The following DNAH8 variants were observed in gnomAD, a reference collection of about 807,000 sequenced individuals.
DNAH8 encodes dynein axonemal heavy chain 8, also known as axonemal beta dynein heavy chain 8.
In DNAH8, 382 loss-of-function variants were observed where a neutral mutation model predicts 562.1. That is an observed-to-expected ratio of 0.68 (90% CI 0.63 to 0.74). The LOEUF is 0.74. DNAH8 is among the 30% of genes least tolerant of loss of function. The pLI is 0.00. For missense variants in DNAH8, 5,203 were observed against 5,620.4 expected, an observed-to-expected ratio of 0.93 and a Z score of 2.37; for synonymous variants, 1,881 against 1,919.4, an observed-to-expected ratio of 0.98 and a Z score of 0.52.
At chr6:39,029,392 G>A (rs566430899) in intron 92 of DNAH8, among the ~76,000 whole-genome samples, 9 of 152,192 alleles carry the variant, frequency 5.9e-5, no homozygotes, top group East Asian at 5.8e-4. Context: ...AGAATTCACC[G>A]CCCTCACCCC....
At chr6:38,896,602 C>A (rs75351853) in intron 60 of DNAH8, among the ~76,000 whole-genome samples, 13,259 of 147,914 alleles carry the variant, frequency 0.09, 831 homozygotes, top group South Asian at 0.21. Context: ...AACAAACAAA[C>A]AAACAAAAAA....
chr6:38,797,962 C>G (rs1327471350), intron 21 of DNAH8, among the ~76,000 whole-genome samples: 2 of 151,976 alleles, frequency 1.3e-5, no homozygotes, highest in African/African-American at 4.8e-5. Context: ...AGCATTACAC[C>G]AGCTACTTGG....
In DNAH8 at chr6:38,926,230, G is replaced by A. The variant is rs754545702; in HGVS notation, c.11118+20G>A. On this transcript the variant is annotated intron_variant, in intron 74 of 92. Coordinates refer to ENST00000327475, the MANE Select transcript of DNAH8 (RefSeq NM_001206927.2). ...TTACAGGTATGTAGCATTTGGTGCAGGGGAAAGTAATCTTGAAATCATGAA... is the reference window on the plus strand; with the variant it reads ...TTACAGGTATGTAGCATTTGGTGCAAGGGAAAGTAATCTTGAAATCATGAA... 1 of 1,606,318 alleles carries A rather than the reference G, an allele frequency of 6.2e-7. No individual in the cohort carries two copies. The highest frequency in any genetic ancestry group is 1.1e-5 in the South Asian group (1 of 89,672).
intron 56 of DNAH8, among the ~76,000 whole-genome samples, chr6:38,886,306 AG>A (rs1477213141): frequency 6.6e-6 from 1 of 152,126 alleles, no homozygotes; most frequent in African/African-American, 2.4e-5. Flanking sequence ...ATTTCCAAGG[AG>A]GGGGGTTGGC....
intron 91 of DNAH8, among the ~76,000 whole-genome samples, chr6:39,020,564 G>C (rs958254854): frequency 1.3e-5 from 2 of 152,036 alleles, no homozygotes; most frequent in African/African-American, 4.8e-5. Flanking sequence ...TGTGCAGAAC[G>C]TGCAGGTTTG....
chr6:38,791,285 A>T (rs1271151695), intron 20 of DNAH8, among the ~76,000 whole-genome samples: 1 of 152,192 alleles, frequency 6.6e-6, no homozygotes, highest in Non-Finnish European at 1.5e-5. Flanking sequence ...TAAAACTGGG[A>T]TATCAGTGCC....
chr6:38,811,386 C>T (rs1456526777), intron 24 of DNAH8, among the ~76,000 whole-genome samples: 6 of 152,182 alleles, frequency 3.9e-5, no homozygotes, highest in Non-Finnish European at 5.9e-5. Flanking sequence ...TGGGGCTTCT[C>T]ATTCTCTTCT....
intron 81 of DNAH8, 65 bp downstream of exon 81, chr6:38,949,635 C>A: frequency 1.0e-6 from 1 of 999,538 alleles, no homozygotes; most frequent in Non-Finnish European, 1.5e-6. Context: ...CAGATTTTAT[C>A]TCAGTGAGTT....
At chr6:38,794,913 CA>C (rs1470013759) in intron 21 of DNAH8, among the ~76,000 whole-genome samples, 1 of 151,962 alleles carries the variant, frequency 6.6e-6, no homozygotes, top group Non-Finnish European at 1.5e-5. Flanking sequence ...ATATATACCC[CA>C]AAGGGAAATT....
chr6:39,019,515 C>T (rs1766768935), intron 91 of DNAH8, among the ~76,000 whole-genome samples: 1 of 152,132 alleles, frequency 6.6e-6, no homozygotes, highest in African/African-American at 2.4e-5. Flanking sequence ...TGTTGAGGCT[C>T]TTCATGGTGA....
intron 2 of DNAH8, 51 bp downstream of exon 2, chr6:38,723,250 C>A: frequency 6.3e-7 from 1 of 1,575,054 alleles, no homozygotes; most frequent in Admixed American, 1.9e-5. Flanking sequence ...TTATCAAATA[C>A]GAAATACTTT....
intron 18 of DNAH8, among the ~76,000 whole-genome samples, chr6:38,789,179 T>C (rs1304479170): frequency 2.6e-5 from 4 of 152,190 alleles, no homozygotes; most frequent in African/African-American, 9.7e-5. Flanking sequence ...CTACAAGTAA[T>C]GTATAAAGGG....
intron 40 of DNAH8, 105 bp from the exon 41 acceptor site, chr6:38,853,081 C>A: frequency 1.2e-6 from 1 of 849,938 alleles, no homozygotes; most frequent in Non-Finnish European, 1.8e-6. Context: ...AAATATGAAA[C>A]TGTTTGCTTG....
At position 38,863,936 on chromosome 6, in the gene DNAH8, T is replaced by C. The variant is rs762857344; in HGVS notation, c.6374T>C (p.Leu2125Ser). Residue 2125 changes from leucine to serine, a missense_variant, in exon 45 of 93, where the codon TTA becomes TCA. Transcript: ENST00000327475. ...TTTAACAGAATTGAATTGCCTGTAT[T>C]ATCAGTGGCAGCACAACAAATTTAT... ...DEFNRIELPV[L>S]SVAAQQIYIV... 1.9e-6 allele frequency: 3 copies of C among 1,612,908 alleles called. No homozygotes were observed. Among genetic ancestry groups the C allele is most frequent in the Admixed American group, 3.3e-5 (2 of 59,760 alleles).
chr6:38,978,776 T>C (rs944258749), intron 85 of DNAH8, among the ~76,000 whole-genome samples: 9 of 152,228 alleles, frequency 5.9e-5, no homozygotes, highest in Admixed American at 4.6e-4. Context: ...CAACTTTTCA[T>C]CAGTGTTCTA....
intron 22 of DNAH8, among the ~76,000 whole-genome samples, chr6:38,805,159 T>G (rs1352033882): frequency 6.6e-6 from 1 of 152,152 alleles, no homozygotes; most frequent in Non-Finnish European, 1.5e-5. Flanking sequence ...AAATATTATT[T>G]CAGTCAAGTT....
rs779352392 is a variant in DNAH8, at chr6:38,842,388, A to G, written c.4487A>G (p.Gln1496Arg). Residue 1496 changes from glutamine to arginine, a missense_variant, in exon 34 of 93, where the codon CAG becomes CGG. By Grantham distance (43) the Gln-to-Arg change is conservative. Transcript: ENST00000327475. ...CCCAGAAAAGAACTCAACTTGCTGC[A>G]GAAGCTGTATGGATTGTATGACACC... ...HKTRKELNLL[Q>R]KLYGLYDTVM... The G allele has an allele frequency of 7.5e-6, 12 of 1,605,670 alleles. No individual in the cohort carries two copies. Among genetic ancestry groups the G allele is most frequent in the Non-Finnish European group, 9.3e-6 (11 of 1,177,322 alleles).
At chr6:38,965,802 T>C (rs140413662) in intron 82 of DNAH8, among the ~76,000 whole-genome samples, 168 of 152,322 alleles carry the variant, frequency 1.1e-3, no homozygotes, top group African/African-American at 3.8e-3. Flanking sequence ...ATTGGCCCCT[T>C]TCCTTCCTTG....
chr6:38,886,817 GATGGAA>G lies in DNAH8; in HGVS notation c.8293_8298del (p.Met2765_Glu2766del), dbSNP rs1778957773. 6.2e-7 allele frequency: 1 copy of G among 1,613,948 alleles called. No homozygotes were observed. Among genetic ancestry groups the G allele is most frequent in the African/African-American group, 1.3e-5 (1 of 74,936 alleles). ...TAACTAATGAGATTGTGCGACAGAT[GATGGAA>G]ATGGAAGGAATGTACAGCTTGGACA... On this transcript the variant is annotated inframe_deletion, in exon 57 of 93. Coordinates refer to ENST00000327475, the MANE Select transcript of DNAH8 (RefSeq NM_001206927.2).
Sources: allele counts gnomAD v4.1 joint callset (sites outside exome capture counted in the v4.1 genomes callset), GRCh38; gene constraint gnomAD v4.1.1; transcripts MANE v1.5; gene names NCBI Gene and HGNC (gene_info 2026-07-23, HGNC 2026-07-21).